Variants in RPS6KC1 observed in about 807,000 individuals in gnomAD.
RPS6KC1 encodes the protein ribosomal protein S6 kinase C1, also known as inactive ribosomal protein S6 kinase delta-1.
A neutral mutation model predicts 103.8 loss-of-function variants in RPS6KC1; 54 were observed. The observed-to-expected ratio is 0.52, with a 90% confidence interval of 0.42 to 0.65. The LOEUF (loss-of-function observed/expected upper bound fraction) is 0.65. RPS6KC1 is among the 30% of genes least tolerant of loss of function. The pLI, the probability that RPS6KC1 is intolerant of heterozygous loss-of-function variation, is 0.00. For missense variants in RPS6KC1, 1,151 were observed against 1,253.8 expected (o/e 0.92, Z 1.24); for synonymous variants, 439 against 438.7 (o/e 1.00, Z -0.01).
the RPS6KC1 span, among the ~76,000 whole-genome samples, chr1:213,641,274 T>C: frequency 1.3e-5 from 2 of 152,072 alleles, no homozygotes; most frequent in South Asian, 2.1e-4. Context: ...CTATTGTCTT[T>C]TTCTATATGA....
At chr1:213,509,210 A>G in the RPS6KC1 span, among the ~76,000 whole-genome samples, 1 of 152,338 alleles carries the variant, frequency 6.6e-6, no homozygotes, top group Non-Finnish European at 1.5e-5. Context: ...CCCTAAAATC[A>G]CATGGCTAAA....
intron 3 of RPS6KC1, among the ~76,000 whole-genome samples, chr1:213,085,705 AG>A (rs201086301): frequency 0.013 from 1,929 of 152,184 alleles, 45 homozygotes; most frequent in African/African-American, 0.044. Context: ...GTGTATCTAT[AG>A]AGCTGTGTAT....
At chr1:213,066,970 A>G (rs2148418420) in intron 1 of RPS6KC1, among the ~76,000 whole-genome samples, 1 of 152,318 alleles carries the variant, frequency 6.6e-6, no homozygotes, top group South Asian at 2.1e-4. Flanking sequence ...GCTCACTGAG[A>G]TAACCATTAA....
chr1:213,746,770 T>C, the RPS6KC1 span, among the ~76,000 whole-genome samples: 1 of 152,106 alleles, frequency 6.6e-6, no homozygotes, highest in African/African-American at 2.4e-5. Context: ...CACTTGAAGA[T>C]AGAGCCAAGG....
chr1:213,783,062 G>A, the RPS6KC1 span, among the ~76,000 whole-genome samples: 3 of 152,188 alleles, frequency 2.0e-5, no homozygotes, highest in African/African-American at 7.2e-5. Flanking sequence ...GAACAGGGCT[G>A]TTCCACAAGC....
chr1:213,289,642 G>A, the RPS6KC1 span, among the ~76,000 whole-genome samples: 1 of 152,158 alleles, frequency 6.6e-6, no homozygotes, highest in Admixed American at 6.5e-5. Context: ...CAGAAAAAGG[G>A]ACATTTCATT....
At chr1:213,650,102 G>A in the RPS6KC1 span, among the ~76,000 whole-genome samples, 3 of 152,174 alleles carry the variant, frequency 2.0e-5, no homozygotes, top group African/African-American at 7.2e-5. Flanking sequence ...CCCAGCCCAG[G>A]TTTGGTCCCT....
At chr1:213,575,134 C>T in the RPS6KC1 span, among the ~76,000 whole-genome samples, 1 of 152,108 alleles carries the variant, frequency 6.6e-6, no homozygotes, top group Non-Finnish European at 1.5e-5. Context: ...GAGCCTTCCT[C>T]TGTAAGATGT....
At chr1:213,262,633 C>A in intron 13 of RPS6KC1, 88 bp from the exon 14 acceptor site, 1 of 859,842 alleles carries the variant, frequency 1.2e-6, no homozygotes, top group Non-Finnish European at 2.0e-6. Context: ...GGTTGTTGAG[C>A]TCTCTGTACT....
chr1:213,175,787 G>T (rs1261489654), intron 7 of RPS6KC1, among the ~76,000 whole-genome samples: 1 of 151,964 alleles, frequency 6.6e-6, no homozygotes, highest in African/African-American at 2.4e-5. Context: ...TCTTAAACAG[G>T]CTCAGTTTTA....
chr1:213,460,601 T>C, the RPS6KC1 span, among the ~76,000 whole-genome samples: 3 of 152,288 alleles, frequency 2.0e-5, no homozygotes, highest in East Asian at 5.8e-4. Flanking sequence ...AAGGTTAATA[T>C]TGTTATGTGT....
chr1:213,292,247 T>A, the RPS6KC1 span, among the ~76,000 whole-genome samples: 1 of 121,662 alleles, frequency 8.2e-6, no homozygotes, highest in South Asian at 3.2e-4. Context: ...ACTTAAAGTA[T>A]AATAATAATA....
the RPS6KC1 span, among the ~76,000 whole-genome samples, chr1:213,577,094 C>T: frequency 3.3e-5 from 5 of 151,740 alleles, no homozygotes; most frequent in Non-Finnish European, 7.4e-5. Flanking sequence ...ATCTCATAAT[C>T]CCTGCATGTC....
chr1:213,575,550 TCTC>T, the RPS6KC1 span, among the ~76,000 whole-genome samples: 7 of 152,212 alleles, frequency 4.6e-5, no homozygotes, highest in African/African-American at 1.4e-4. Flanking sequence ...GCTTAGCACT[TCTC>T]CTTGCTGCTG....
chr1:213,662,333 T>G, the RPS6KC1 span, among the ~76,000 whole-genome samples: 2 of 151,694 alleles, frequency 1.3e-5, no homozygotes, highest in South Asian at 4.2e-4. Flanking sequence ...AGTGGCATGA[T>G]CTCCTGCAAC....
chr1:213,220,012 T>A (rs1218417242), intron 8 of RPS6KC1, among the ~76,000 whole-genome samples: 4 of 151,928 alleles, frequency 2.6e-5, no homozygotes, highest in East Asian at 3.9e-4. Context: ...TATAATAATT[T>A]AAAAAAACCC....
At chr1:213,583,879 C>T in the RPS6KC1 span, among the ~76,000 whole-genome samples, 4 of 151,154 alleles carry the variant, frequency 2.6e-5, no homozygotes, top group Admixed American at 2.0e-4. Context: ...AACACAGATT[C>T]CAGGACCCCA....
intron 10 of RPS6KC1, among the ~76,000 whole-genome samples, chr1:213,234,019 T>C (rs1330989869): frequency 7.1e-6 from 1 of 141,028 alleles, no homozygotes; most frequent in African/African-American, 3.2e-5. Flanking sequence ...TCTCTCTTTT[T>C]TTTTTTTTTT....
At chr1:213,368,618 A>G in the RPS6KC1 span, among the ~76,000 whole-genome samples, 810 of 152,288 alleles carry the variant, frequency 5.3e-3, 7 homozygotes, top group African/African-American at 0.019. Flanking sequence ...ATTGTTGCCT[A>G]TTGTAACTGG....
Sources: allele counts gnomAD v4.1 joint callset (sites outside exome capture counted in the v4.1 genomes callset), GRCh38; gene constraint gnomAD v4.1.1; transcripts MANE v1.5; gene names NCBI Gene and HGNC (gene_info 2026-07-23, HGNC 2026-07-21).